The following COL25A1 variants were observed in gnomAD, a reference collection of about 807,000 sequenced individuals.
COL25A1 encodes the protein collagen type XXV alpha 1 chain.
A neutral mutation model predicts 128.4 loss-of-function variants in COL25A1; 103 were observed. That is an observed-to-expected ratio of 0.80 (90% CI 0.68 to 0.94). The LOEUF is 0.94. COL25A1 is among the 40% of genes least tolerant of loss of function. COL25A1 has a pLI of 0.00. For missense variants in COL25A1, 745 were observed against 840.0 expected (o/e 0.89, Z 1.40); for synonymous variants, 279 against 277.2 (o/e 1.01, Z -0.06).
intron 3 of COL25A1, among the ~76,000 whole-genome samples, chr4:109,294,404 C>G (rs1161521439): frequency 6.6e-6 from 1 of 152,074 alleles, no homozygotes; most frequent in Non-Finnish European, 1.5e-5. Flanking sequence ...TTTTTTAAAA[C>G]AGTCAATTTT....
At chr4:109,011,561 G>A (rs1289623738) in intron 5 of COL25A1, among the ~76,000 whole-genome samples, 2 of 152,154 alleles carry the variant, frequency 1.3e-5, no homozygotes, top group Non-Finnish European at 2.9e-5. Context: ...CAGACACTTT[G>A]GGATATGCTA....
chr4:108,870,874 A>G (rs1490195345), intron 19 of COL25A1, among the ~76,000 whole-genome samples: 19 of 152,380 alleles, frequency 1.2e-4, no homozygotes, highest in Non-Finnish European at 2.5e-4. Flanking sequence ...CGGAAACCAG[A>G]ATTCTTGTAT....
intron 3 of COL25A1, among the ~76,000 whole-genome samples, chr4:109,252,087 C>T (rs1780688799): frequency 6.6e-6 from 1 of 152,228 alleles, no homozygotes; most frequent in African/African-American, 2.4e-5. Flanking sequence ...TGTGTGTATG[C>T]TGCTAGGGCA....
chr4:108,855,948 C>G (rs763481398), intron 24 of COL25A1, among the ~76,000 whole-genome samples: 5 of 152,190 alleles, frequency 3.3e-5, no homozygotes, highest in Non-Finnish European at 7.4e-5. Context: ...CTTTTGAACT[C>G]AAATAATGAT....
intron 3 of COL25A1, among the ~76,000 whole-genome samples, chr4:109,155,663 G>A (rs1771961713): frequency 6.6e-6 from 1 of 152,160 alleles, no homozygotes; most frequent in African/African-American, 2.4e-5. Flanking sequence ...TTATTGCTAT[G>A]ATGTTCAAAA....
chr4:109,129,720 C>T (rs1482117378), intron 3 of COL25A1, among the ~76,000 whole-genome samples: 1 of 152,198 alleles, frequency 6.6e-6, no homozygotes, highest in African/African-American at 2.4e-5. Flanking sequence ...ATCTTTCTGG[C>T]AACCAATGTG....
chr4:108,846,057 T>C lies in COL25A1; in HGVS notation c.1515+82A>G, dbSNP rs1735051944. 4.4e-6 allele frequency: 4 copies of C among 910,274 alleles called. No individual in the cohort carries two copies. The South Asian group carries it at 6.0e-5, about 14-fold the overall frequency. The allele number at this position is 910,274 out of a possible 1,614,324, so 56.4% of individuals were successfully genotyped here. On this transcript the variant is annotated intron_variant, in intron 28 of 37. Coordinates refer to ENST00000399132, the MANE Select transcript of COL25A1 (RefSeq NM_198721.4). The stretch of plus-strand genomic sequence containing the variant: ...CACTAGATGAGATTGCAGCTAATAA[T>C]ATAACTCTTTTCTGATTGTTTAATT...
At chr4:108,911,113 G>A (rs1283510475) in intron 13 of COL25A1, among the ~76,000 whole-genome samples, 1 of 152,114 alleles carries the variant, frequency 6.6e-6, no homozygotes, top group East Asian at 1.9e-4. Context: ...CAAAAACAGG[G>A]TGTGTGGTTT....
At chr4:109,014,008 C>T (rs537971630) in intron 5 of COL25A1, among the ~76,000 whole-genome samples, 6 of 152,268 alleles carry the variant, frequency 3.9e-5, no homozygotes, top group Admixed American at 6.5e-5. Context: ...ACTGCAAACT[C>T]AGAAATGTGA....
chr4:109,254,149 C>T (rs1780880332), intron 3 of COL25A1, among the ~76,000 whole-genome samples: 1 of 151,190 alleles, frequency 6.6e-6, no homozygotes, highest in African/African-American at 2.4e-5. Flanking sequence ...TGATGAATCC[C>T]ACCAACAAGT....
intron 3 of COL25A1, among the ~76,000 whole-genome samples, chr4:109,150,032 G>C (rs1407637390): frequency 6.6e-6 from 1 of 150,890 alleles, no homozygotes; most frequent in Non-Finnish European, 1.5e-5. Flanking sequence ...GTGTGTATGT[G>C]TATGTATGTG....
intron 5 of COL25A1, among the ~76,000 whole-genome samples, chr4:109,044,518 C>T (rs1350885060): frequency 6.6e-6 from 1 of 152,032 alleles, no homozygotes; most frequent in Non-Finnish European, 1.5e-5. Context: ...TATTGGAGCA[C>T]ATTTCATAAT....
intron 8 of COL25A1, among the ~76,000 whole-genome samples, chr4:108,961,581 G>A (rs1750688806): frequency 6.7e-6 from 1 of 149,380 alleles, no homozygotes; most frequent in African/African-American, 2.5e-5. Context: ...GTTCTGTTCT[G>A]TTCTGTTCTG....
At chr4:108,915,844 G>A (rs908722681) in intron 13 of COL25A1, among the ~76,000 whole-genome samples, 1 of 152,116 alleles carries the variant, frequency 6.6e-6, no homozygotes, top group Non-Finnish European at 1.5e-5. Context: ...AGGATATTGA[G>A]GTGCTCTTAC....
intron 3 of COL25A1, among the ~76,000 whole-genome samples, chr4:109,239,325 T>C (rs1426100233): frequency 6.8e-6 from 1 of 147,432 alleles, no homozygotes; most frequent in Admixed American, 6.8e-5. Context: ...TATAGTAATA[T>C]AGTAATATTT....
intron 6 of COL25A1, among the ~76,000 whole-genome samples, chr4:108,987,330 T>C (rs1296298445): frequency 1.3e-5 from 2 of 152,146 alleles, no homozygotes; most frequent in African/African-American, 2.4e-5. Flanking sequence ...ACATTATCAA[T>C]TGTCATTTTG....
At chr4:109,231,607 T>C (rs1233054445) in intron 3 of COL25A1, among the ~76,000 whole-genome samples, 1 of 152,204 alleles carries the variant, frequency 6.6e-6, no homozygotes, top group Non-Finnish European at 1.5e-5. Flanking sequence ...GTGAGCACTG[T>C]AGCTCTGCTT....
chr4:109,026,704 T>C (rs562837788), intron 5 of COL25A1, among the ~76,000 whole-genome samples: 32 of 152,042 alleles, frequency 2.1e-4, no homozygotes, highest in Non-Finnish European at 3.8e-4. Context: ...GCATATAGGG[T>C]TAAGGAAAAT....
intron 5 of COL25A1, among the ~76,000 whole-genome samples, chr4:109,023,258 G>A (rs757464797): frequency 6.6e-6 from 1 of 152,146 alleles, no homozygotes; most frequent in African/African-American, 2.4e-5. Context: ...AAAGTATACT[G>A]ATATGCCAGA....
Sources: allele counts gnomAD v4.1 joint callset (sites outside exome capture counted in the v4.1 genomes callset), GRCh38; gene constraint gnomAD v4.1.1; transcripts MANE v1.5; gene names NCBI Gene and HGNC (gene_info 2026-07-23, HGNC 2026-07-21).